The following NALF1 variants were observed in gnomAD, a reference collection of about 807,000 sequenced individuals.
NALF1 encodes NALCN channel auxiliary factor 1.
In NALF1, 3 loss-of-function variants were observed where a neutral mutation model predicts 48.4. The ratio of observed to expected loss-of-function variants is 0.06; its 90% confidence interval spans 0.03 to 0.16. The LOEUF (loss-of-function observed/expected upper bound fraction) is 0.16, where lower values mean the gene tolerates loss of function less well. Ranked by LOEUF, NALF1 falls within the 10% of genes least tolerant of loss-of-function variation. The pLI is 1.00. For missense variants in NALF1, 526 were observed against 571.5 expected (o/e 0.92, Z 0.81); for synonymous variants, 262 against 245.7 (o/e 1.07, Z -0.62).
intron 1 of NALF1, among the ~76,000 whole-genome samples, chr13:107,268,020 C>T (rs1007430720): frequency 2.6e-4 from 34 of 129,278 alleles, no homozygotes; most frequent in African/African-American, 8.4e-4. Flanking sequence ...TGGAGTCTTG[C>T]TCTGTCACCA....
At chr13:107,677,787 T>C (rs1249022843) in intron 1 of NALF1, among the ~76,000 whole-genome samples, 1 of 151,224 alleles carries the variant, frequency 6.6e-6, no homozygotes, top group Non-Finnish European at 1.5e-5. Flanking sequence ...GCGATTATAC[T>C]GTAAATAATT....
chr13:107,409,628 C>T (rs1369634646), intron 1 of NALF1, among the ~76,000 whole-genome samples: 1 of 152,110 alleles, frequency 6.6e-6, no homozygotes, highest in Non-Finnish European at 1.5e-5. Context: ...GGGAACTGAA[C>T]CTACACTAGA....
intron 1 of NALF1, among the ~76,000 whole-genome samples, chr13:107,589,860 A>G (rs551244581): frequency 7.4e-6 from 1 of 134,494 alleles, no homozygotes; most frequent in Non-Finnish European, 1.6e-5. Flanking sequence ...CTAATAACAT[A>G]TCAGGCAGGA....
intron 1 of NALF1, among the ~76,000 whole-genome samples, chr13:107,682,070 AAC>A (rs1210929759): frequency 2.0e-5 from 3 of 152,098 alleles, no homozygotes; most frequent in Admixed American, 6.6e-5. Flanking sequence ...AACATATTAA[AAC>A]ACAATTGCTG....
At chr13:107,218,369 C>A (rs1879919677) in intron 1 of NALF1, among the ~76,000 whole-genome samples, 1 of 152,144 alleles carries the variant, frequency 6.6e-6, no homozygotes, top group African/African-American at 2.4e-5. Context: ...CCCCAGTGCC[C>A]TGGATGTATC....
chr13:107,358,453 A>G (rs1883002469), intron 1 of NALF1, among the ~76,000 whole-genome samples: 1 of 152,174 alleles, frequency 6.6e-6, no homozygotes, highest in Non-Finnish European at 1.5e-5. Flanking sequence ...CCATCAAAAT[A>G]TATTTTTAAC....
chr13:107,486,344 C>A (rs367964716), intron 1 of NALF1, among the ~76,000 whole-genome samples: 1 of 152,104 alleles, frequency 6.6e-6, no homozygotes, highest in Non-Finnish European at 1.5e-5. Context: ...GAAAAAAGAC[C>A]TTCACTTTTT....
At chr13:107,478,349 G>A (rs2139058472) in intron 1 of NALF1, among the ~76,000 whole-genome samples, 1 of 152,094 alleles carries the variant, frequency 6.6e-6, no homozygotes, top group East Asian at 1.9e-4. Flanking sequence ...CTTTTTCTCA[G>A]AGAATTCAAC....
intron 1 of NALF1, among the ~76,000 whole-genome samples, chr13:107,758,565 C>CA (rs2138559195): frequency 6.6e-6 from 1 of 151,640 alleles, no homozygotes; most frequent in African/African-American, 2.4e-5. Context: ...ACTAAAAATA[C>CA]AAAAAATTAG....
intron 1 of NALF1, among the ~76,000 whole-genome samples, chr13:107,783,415 T>C (rs1396346684): frequency 2.0e-5 from 3 of 152,096 alleles, no homozygotes; most frequent in Non-Finnish European, 4.4e-5. Context: ...TTTTGTGGAA[T>C]AGAAAGCGGG....
At chr13:107,178,291 T>C (rs1172435163) in intron 2 of NALF1, among the ~76,000 whole-genome samples, 1 of 152,166 alleles carries the variant, frequency 6.6e-6, no homozygotes, top group Non-Finnish European at 1.5e-5. Context: ...AGAAAACATT[T>C]GAAGAATACT....
chr13:107,808,205 A>C (rs1310531678), intron 1 of NALF1, among the ~76,000 whole-genome samples: 3 of 152,058 alleles, frequency 2.0e-5, no homozygotes, highest in Non-Finnish European at 4.4e-5. Flanking sequence ...TTTGTGGGTT[A>C]TAGGTTTTGC....
At position 107,285,086 on chromosome 13, in the gene NALF1, G is replaced by T. The variant is rs190359607; in HGVS notation, c.916-74331C>A. On this transcript the variant is annotated intron_variant, in intron 1 of 2. Transcript: ENST00000375915. ...CATAGATTCAATGATTAGGACCTGT[G>T]GCATATATTATATGTCTATGTGTAC... Among the ~76,000 whole-genome samples the T allele has an allele frequency of 3.5e-3, 535 of 152,216 alleles. 5 individuals carry two copies. Among genetic ancestry groups the T allele is most frequent in the African/African-American group, 0.012 (495 of 41,526 alleles).
At chr13:107,213,926 CGAT>C (rs1317739623) in intron 1 of NALF1, among the ~76,000 whole-genome samples, 2 of 151,718 alleles carry the variant, frequency 1.3e-5, no homozygotes, top group Non-Finnish European at 2.9e-5. Context: ...GTGCCAATGA[CGAT>C]GGATTTAAAC....
intron 1 of NALF1, among the ~76,000 whole-genome samples, chr13:107,826,002 ATC>A (rs1019296311): frequency 1.3e-4 from 20 of 152,250 alleles, no homozygotes; most frequent in African/African-American, 4.1e-4. Flanking sequence ...GCTGGCCTCA[ATC>A]TCTTGACCTC....
chr13:107,707,016 G>A (rs928944791), intron 1 of NALF1, among the ~76,000 whole-genome samples: 51 of 129,046 alleles, frequency 4.0e-4, no homozygotes, highest in African/African-American at 1.5e-3. Flanking sequence ...TCCGCCTCCC[G>A]GGTTCACGCC....
At chr13:107,483,272 C>A (rs968934778) in intron 1 of NALF1, among the ~76,000 whole-genome samples, 1 of 152,102 alleles carries the variant, frequency 6.6e-6, no homozygotes. Context: ...TTAAAAGTCC[C>A]AAATTTCCGT....
chr13:107,411,057 G>A (rs1323668), intron 1 of NALF1, among the ~76,000 whole-genome samples: 33,428 of 152,048 alleles, frequency 0.22, 4,103 homozygotes, highest in Middle Eastern at 0.28. Flanking sequence ...GCATATTTAG[G>A]ATGTGGAAAT....
At chr13:107,472,529 C>A (rs183957187) in intron 1 of NALF1, among the ~76,000 whole-genome samples, 2 of 152,130 alleles carry the variant, frequency 1.3e-5, no homozygotes, top group African/African-American at 4.8e-5. Flanking sequence ...GGGTGGGTGC[C>A]ATCTAATCAG....
Sources: gnomAD v4.1 joint callset for allele counts (sites outside exome capture counted in the v4.1 genomes callset) on GRCh38, gnomAD v4.1.1 for gene constraint, MANE v1.5 for transcripts, NCBI Gene and HGNC (gene_info 2026-07-23, HGNC 2026-07-21) for gene names.